The following ZFAND5 variants were observed in gnomAD, a reference collection of about 807,000 sequenced individuals.
ZFAND5 encodes AN1-type zinc finger protein 5.
A neutral mutation model predicts 23.6 loss-of-function variants in ZFAND5; 4 were observed. That is an observed-to-expected ratio of 0.17 (90% confidence interval 0.08 to 0.39). ZFAND5 has a LOEUF of 0.39. Among genes scored for constraint, ZFAND5 ranks in the 10% least tolerant of loss-of-function variants. The pLI, the probability that ZFAND5 is intolerant of heterozygous loss-of-function variation, is 1.00. For missense variants in ZFAND5, 161 were observed against 253.7 expected (o/e 0.63, Z 2.48); for synonymous variants, 68 against 80.6 (o/e 0.84, Z 0.84).
rs999864648 is a variant in ZFAND5 at position 72,352,738 on chromosome 9, T to C, written c.*3215A>G. ...AACCAATCCTGTTCTCAAAGTTTTC[T>C]TCCCAAGTTATGGAAACCATTATTC... is the stretch of plus-strand genomic sequence containing the variant. On this transcript the variant is annotated 3_prime_UTR_variant, in exon 7 of 7. Transcript: ENST00000376962. 6.6e-6 allele frequency: 1 copy of C among 152,236 alleles called. No individual in the cohort carries two copies. Among genetic ancestry groups the C allele is most frequent in the Non-Finnish European group, 1.5e-5 (1 of 68,042 alleles). The allele number at this position is 152,236 out of a possible 1,614,324, so 9.4% of individuals were successfully genotyped here.
At chr9:72,358,790 T>C (rs1173580187) in intron 5 of ZFAND5, among the ~76,000 whole-genome samples, 2 of 152,072 alleles carry the variant, frequency 1.3e-5, no homozygotes, top group African/African-American at 4.8e-5. Flanking sequence ...AAAGAACAAA[T>C]TGATAAAATA....
chr9:72,355,176 G>A lies in ZFAND5; in HGVS notation c.*777C>T, dbSNP rs886935239. The A allele has an allele frequency of 6.6e-6, 1 of 152,600 alleles. No homozygotes were observed. The highest frequency in any genetic ancestry group is 1.5e-5 in the Non-Finnish European group (1 of 68,032). 9.5% of individuals were successfully genotyped at this position (152,600 alleles called of 1,614,324 possible). A position where few individuals can be genotyped will look rare whatever the true frequency, so the allele number is the denominator to read the frequency against. On this transcript the variant is annotated 3_prime_UTR_variant, in exon 7 of 7. Transcript: ENST00000376962. ...CTGCTGTATGTGAAAACCAAACGTA[G>A]AGTTTAAATTTCTTCTTGTAAACAA... is the stretch of plus-strand genomic sequence containing the variant.
At position 72,360,186 on chromosome 9, in the gene ZFAND5, A is replaced by G. The variant is rs1432364495; in HGVS notation, c.187T>C (p.Ser63Pro). 1 of 1,613,166 alleles carries G rather than the reference A, an allele frequency of 6.2e-7. No individual in the cohort carries two copies. Among genetic ancestry groups the G allele is most frequent in the Non-Finnish European group, 8.5e-7 (1 of 1,179,406 alleles). Residue 63 changes from serine (S) to proline (P), a missense_variant, in exon 4 of 7, where the codon TCT (serine) becomes CCT (proline). Physicochemically the swap from Ser to Pro is moderately conservative, Grantham distance 74 (BLOSUM62 -1). This residue lies in a region of ZFAND5 where 116 missense variants were observed against 115.2 expected (regional missense o/e 1.01). Coordinates refer to ENST00000376962, the MANE Select transcript of ZFAND5 (RefSeq NM_001102420.3). ...ASGSNSPTSD[S>P]ASVQRADTSL... ...GTGTCTGCTCTCTGTACAGATGCAG[A>G]ATCTGAGGTAGGACTGTTGGAACCA...
intron 5 of ZFAND5, among the ~76,000 whole-genome samples, chr9:72,358,607 T>C (rs1842008988): frequency 6.6e-6 from 1 of 152,068 alleles, no homozygotes; most frequent in African/African-American, 2.4e-5. Flanking sequence ...AAATGCCAAA[T>C]ATAGATTCAC....
rs779683638 is a variant in ZFAND5 at position 72,360,148 on chromosome 9, G to C, written c.225C>G (p.Asn75Lys). 9 of 1,612,504 alleles carry C rather than the reference G, an allele frequency of 5.6e-6. No homozygotes were observed. The Admixed American group carries it at 1.5e-4, about 27-fold the overall frequency. ...ATGTGCTGCCAGCAGCACCTTCACAGTTGTTTAAGCTAGTGTCTGCTCTCT... is the reference window on the plus strand; with the variant it reads ...ATGTGCTGCCAGCAGCACCTTCACACTTGTTTAAGCTAGTGTCTGCTCTCT... Reference protein sequence around the residue: ...SVQRADTSLNNCEGAAGSTSE... With the variant: ...SVQRADTSLNKCEGAAGSTSE... The change falls in exon 4 of 7, where the codon AAC (asparagine) becomes AAG (lysine). Residue 75 changes from asparagine (N) to lysine (K), a missense_variant. This residue lies in a region of ZFAND5 where 116 missense variants were observed against 115.2 expected (regional missense o/e 1.01). Transcript: ENST00000376962.
In ZFAND5 at chr9:72,354,500, T is replaced by C. The variant is rs1248410615; in HGVS notation, c.*1453A>G. 2 of 152,660 alleles carry C rather than the reference T, an allele frequency of 1.3e-5. No homozygotes were observed. The highest frequency in any genetic ancestry group is 4.8e-5 in the African/African-American group (2 of 41,462). 9.5% of individuals were successfully genotyped at this position (152,660 alleles called of 1,614,324 possible). On this transcript the variant is annotated 3_prime_UTR_variant, in exon 7 of 7. Transcript: ENST00000376962. ...CTTTTATTATTTACATAATACAATA[T>C]AGCATCAATGCTGAATAGCATGATT...
Position 72,353,368 on chromosome 9 carries a change from CAAAA to C in ZFAND5, c.*2581_*2584del, listed in dbSNP as rs111831441. On this transcript the variant is annotated 3_prime_UTR_variant, in exon 7 of 7. Transcript: ENST00000376962. The stretch of plus-strand genomic sequence containing the variant: ...TAATGTTTCTTGTAAAACAAACAAA[CAAAA>C]AAAAAACAAAAAAAACTGATTGGCC... 14 of 143,714 alleles carry C rather than the reference CAAAA, an allele frequency of 9.7e-5. No homozygotes were observed. The highest frequency in any genetic ancestry group is 3.1e-4 in the African/African-American group (12 of 39,048). 8.9% of individuals were successfully genotyped at this position (143,714 alleles called of 1,614,324 possible).
intron 5 of ZFAND5, 80 bp from the exon 6 acceptor site, chr9:72,357,136 A>C: frequency 6.6e-7 from 1 of 1,526,076 alleles, no homozygotes; most frequent in Non-Finnish European, 8.9e-7. Context: ...ATTTAAGAGA[A>C]ACAGGAAGAT....
At chr9:72,359,310 G>T in intron 5 of ZFAND5, 108 bp downstream of exon 5, 1 of 1,004,768 alleles carries the variant, frequency 1.0e-6, no homozygotes, top group Non-Finnish European at 1.5e-6. Context: ...TATATTTTAT[G>T]GCTCTCCCTC....
intron 5 of ZFAND5, among the ~76,000 whole-genome samples, chr9:72,357,313 A>C (rs889989668): frequency 6.6e-6 from 1 of 152,176 alleles, no homozygotes; most frequent in African/African-American, 2.4e-5. Flanking sequence ...AATTCCTTTA[A>C]AACACTGGTA....
rs760431341 is a variant in ZFAND5 at position 72,355,906 on chromosome 9, A to G, written c.*47T>C. On this transcript the variant is annotated 3_prime_UTR_variant, in exon 7 of 7. Transcript: ENST00000376962. ...ATCTGCTCTTTAATGTTTTCCTACG[A>G]TATATTAAAATAAAAACAAAGTTTC... 6.4e-7 allele frequency: 1 copy of G among 1,557,346 alleles called. No homozygotes were observed. The highest frequency in any genetic ancestry group is 2.0e-5 in the Admixed American group (1 of 48,980).
At position 72,363,608 on chromosome 9, in the gene ZFAND5, T is replaced by C. The variant is rs888125708; in HGVS notation, c.-146-2A>G. On this transcript the variant is annotated splice_acceptor_variant, in intron 1 of 6. Transcript: ENST00000376962. LOFTEE classifies it low-confidence loss of function (5UTR_SPLICE). The stretch of plus-strand genomic sequence containing the variant: ...CTTTTAAAGGCTCCTTTTCAGGGCC[T>C]GGGAGATAGAAAACAGGAGACAACT... 1.6e-5 allele frequency: 16 copies of C among 982,088 alleles called. No homozygotes were observed. Among genetic ancestry groups the C allele is most frequent in the South Asian group, 4.7e-5 (1 of 21,216 alleles). 60.8% of individuals were successfully genotyped at this position (982,088 alleles called of 1,614,324 possible). A position where few individuals can be genotyped will look rare whatever the true frequency, so the allele number is the denominator to read the frequency against.
chr9:72,356,578 T>G (rs1049098509), intron 6 of ZFAND5, among the ~76,000 whole-genome samples: 2 of 152,150 alleles, frequency 1.3e-5, no homozygotes, highest in African/African-American at 4.8e-5. Context: ...CATCAAGGTC[T>G]GAGATTTGAA....
At chr9:72,363,793 A>G in intron 1 of ZFAND5, 187 bp from the exon 2 acceptor site, 2 of 350,838 alleles carry the variant, frequency 5.7e-6, no homozygotes, top group Non-Finnish European at 8.0e-6. Flanking sequence ...ATGTTTTTAG[A>G]AGTCTGTATC....
intron 2 of ZFAND5, among the ~76,000 whole-genome samples, chr9:72,362,322 C>A (rs1842128780): frequency 6.6e-6 from 1 of 152,134 alleles, no homozygotes; most frequent in South Asian, 2.1e-4. Flanking sequence ...AAAATGCTTT[C>A]AAATGATAAA....
intron 5 of ZFAND5, among the ~76,000 whole-genome samples, chr9:72,359,056 C>T (rs575759197): frequency 1.6e-4 from 25 of 152,232 alleles, no homozygotes; most frequent in African/African-American, 6.0e-4. Flanking sequence ...AAGTTTTCCA[C>T]AACATTGACA....
chr9:72,359,171 T>A (rs931883464), intron 5 of ZFAND5, among the ~76,000 whole-genome samples: 9 of 152,146 alleles, frequency 5.9e-5, no homozygotes, highest in Non-Finnish European at 8.8e-5. Context: ...GATTACAGAC[T>A]TTGCCCATTA....
intron 5 of ZFAND5, among the ~76,000 whole-genome samples, chr9:72,358,218 GAAC>G (rs1209007099): frequency 6.6e-6 from 1 of 152,106 alleles, no homozygotes; most frequent in Admixed American, 6.5e-5. Flanking sequence ...TAGACTAAAC[GAAC>G]AATATTCTAC....
chr9:72,364,263 TC>T, intron 1 of ZFAND5: 1 of 419,266 alleles, frequency 2.4e-6, no homozygotes, highest in Non-Finnish European at 3.7e-6. Context: ...CCCACGCGGA[TC>T]CCCGACCCCC....
Sources: allele counts gnomAD v4.1 joint callset (sites outside exome capture counted in the v4.1 genomes callset), GRCh38; gene constraint gnomAD v4.1.1; regional missense constraint gnomAD v4.1.1; transcripts MANE v1.5; gene names NCBI Gene and HGNC (gene_info 2026-07-23, HGNC 2026-07-21).